The following PLCXD3 variants were observed in gnomAD, a reference collection of about 807,000 sequenced individuals.
The protein encoded by PLCXD3 is phosphatidylinositol specific phospholipase C X domain containing 3, also known as PI-PLC X domain-containing protein 3.
A neutral mutation model predicts 25.5 loss-of-function variants in PLCXD3; 19 were observed. The observed-to-expected ratio is 0.75, with a 90% CI of 0.52 to 1.09. The LOEUF is 1.09. Ranked by LOEUF, PLCXD3 falls within the 50% of genes least tolerant of loss-of-function variation. The pLI, the probability that PLCXD3 is intolerant of heterozygous loss-of-function variation, is 0.00. For missense variants in PLCXD3, 411 were observed against 388.1 expected, an observed-to-expected ratio of 1.06 and a Z score of -0.50; for synonymous variants, 174 against 137.6, an observed-to-expected ratio of 1.26 and a Z score of -1.85.
intron 1 of PLCXD3, among the ~76,000 whole-genome samples, chr5:41,463,635 T>C (rs1747943764): frequency 6.6e-6 from 1 of 152,048 alleles, no homozygotes. Flanking sequence ...TACAACTTCT[T>C]AGGGATCTTC....
intron 1 of PLCXD3, among the ~76,000 whole-genome samples, chr5:41,480,672 G>T (rs1748388262): frequency 6.6e-6 from 1 of 152,088 alleles, no homozygotes; most frequent in South Asian, 2.1e-4. Context: ...TGTAATCCTA[G>T]CACTTTGGGA....
At chr5:41,345,752 T>A (rs1382624865) in intron 2 of PLCXD3, among the ~76,000 whole-genome samples, 1 of 151,970 alleles carries the variant, frequency 6.6e-6, no homozygotes, top group African/African-American at 2.4e-5. Context: ...ACTTTACAGA[T>A]CCCAACTTTA....
At chr5:41,351,506 G>A (rs1744458136) in intron 2 of PLCXD3, among the ~76,000 whole-genome samples, 1 of 152,058 alleles carries the variant, frequency 6.6e-6, no homozygotes, top group Admixed American at 6.6e-5. Flanking sequence ...AGTTCAAATG[G>A]ATTATCTCAG....
intron 1 of PLCXD3, among the ~76,000 whole-genome samples, chr5:41,401,885 T>C (rs1381329524): frequency 6.6e-6 from 1 of 152,020 alleles, no homozygotes; most frequent in East Asian, 1.9e-4. Flanking sequence ...AGTTTATTGG[T>C]ACAAAGTTGT....
At chr5:41,368,801 CT>C (rs1429714535) in intron 2 of PLCXD3, among the ~76,000 whole-genome samples, 3 of 152,070 alleles carry the variant, frequency 2.0e-5, no homozygotes, top group African/African-American at 7.2e-5. Flanking sequence ...TAATCATGTG[CT>C]TTTTGTCTTT....
chr5:41,356,467 A>G (rs753264532), intron 2 of PLCXD3, among the ~76,000 whole-genome samples: 3 of 151,968 alleles, frequency 2.0e-5, no homozygotes, highest in Non-Finnish European at 4.4e-5. Context: ...GAGTGTAGGC[A>G]TCATAAATTG....
chr5:41,491,630 C>T (rs1387511266), intron 1 of PLCXD3, among the ~76,000 whole-genome samples: 1 of 152,018 alleles, frequency 6.6e-6, no homozygotes, highest in Admixed American at 6.6e-5. Flanking sequence ...GTGTTGGGTG[C>T]ATATATATTT....
Position 41,308,106 on chromosome 5 carries a change from AC to A in PLCXD3, c.*5510del, listed in dbSNP as rs1743045357. 5 of 152,164 alleles carry A rather than the reference AC, an allele frequency of 3.3e-5. No individual in the cohort carries two copies. Among genetic ancestry groups the A allele is most frequent in the African/African-American group, 1.2e-4 (5 of 41,460 alleles). The allele number at this position is 152,164 out of a possible 1,614,324, so 9.4% of individuals were successfully genotyped here. On this transcript the variant is annotated 3_prime_UTR_variant, in exon 3 of 3. Coordinates refer to ENST00000377801, the MANE Select transcript of PLCXD3 (RefSeq NM_001005473.3). ...TGACCAATGTTTTCTTTCTTGAAGGACATTATGACTGCAGATATTCATAAGG... is the reference window on the plus strand; with the variant it reads ...TGACCAATGTTTTCTTTCTTGAAGGAATTATGACTGCAGATATTCATAAGG...
At chr5:41,397,060 A>G (rs1746029143) in intron 1 of PLCXD3, among the ~76,000 whole-genome samples, 1 of 152,246 alleles carries the variant, frequency 6.6e-6, no homozygotes, top group Non-Finnish European at 1.5e-5. Context: ...TGCAGTAGAA[A>G]AGGAAAACCC....
chr5:41,359,809 G>A (rs1326362471), intron 2 of PLCXD3, among the ~76,000 whole-genome samples: 1 of 152,046 alleles, frequency 6.6e-6, no homozygotes, highest in Non-Finnish European at 1.5e-5. Context: ...ATGACTATGT[G>A]CCTAGGTGAT....
At chr5:41,465,163 TG>T (rs1430445592) in intron 1 of PLCXD3, among the ~76,000 whole-genome samples, 1 of 151,928 alleles carries the variant, frequency 6.6e-6, no homozygotes, top group Non-Finnish European at 1.5e-5. Flanking sequence ...GCTAAACGTA[TG>T]ACATGTTTTT....
chr5:41,481,842 T>C lies in PLCXD3; in HGVS notation c.103+28582A>G, dbSNP rs76469682. ...ACCTCCTGGCATGGACAGCAGGGCT[T>C]AGGCCCTGTGAAACGTGAATTAGGT... is the stretch of plus-strand genomic sequence containing the variant. On this transcript the variant is annotated intron_variant, in intron 1 of 2. Transcript: ENST00000377801. Among the ~76,000 whole-genome samples, 967 of 152,312 alleles carry C rather than the reference T, an allele frequency of 6.3e-3. 14 individuals are homozygous for C. Among genetic ancestry groups the C allele is most frequent in the African/African-American group, 0.022 (924 of 41,574 alleles).
At chr5:41,449,918 A>G (rs1408044485) in intron 1 of PLCXD3, among the ~76,000 whole-genome samples, 1 of 152,062 alleles carries the variant, frequency 6.6e-6, no homozygotes, top group Non-Finnish European at 1.5e-5. Flanking sequence ...GACACCACCT[A>G]TTACCTCCCC....
In PLCXD3 at chr5:41,309,532, G is replaced by C. The variant is rs1410003774; in HGVS notation, c.*4085C>G. On this transcript the variant is annotated 3_prime_UTR_variant, in exon 3 of 3. Transcript: ENST00000377801. ...ACTCCTGTTTGGTTGAGTGACCAAA[G>C]ATTAAAAGATTGTGTCGTTGGATCT... 6.6e-6 allele frequency: 1 copy of C among 152,310 alleles called. No homozygotes were observed. 9.4% of individuals were successfully genotyped at this position (152,310 alleles called of 1,614,324 possible). A position where few individuals can be genotyped will look rare whatever the true frequency, so the allele number is the denominator to read the frequency against.
At chr5:41,474,664 G>A (rs1445008801) in intron 1 of PLCXD3, among the ~76,000 whole-genome samples, 1 of 152,100 alleles carries the variant, frequency 6.6e-6, no homozygotes, top group Non-Finnish European at 1.5e-5. Flanking sequence ...CAATTTACAA[G>A]GAATAAGCAA....
intron 1 of PLCXD3, among the ~76,000 whole-genome samples, chr5:41,399,629 A>C (rs1707155441): frequency 6.6e-6 from 1 of 152,128 alleles, no homozygotes; most frequent in Admixed American, 6.6e-5. Context: ...TTCTGGGAAA[A>C]CTGGCTATCC....
intron 1 of PLCXD3, among the ~76,000 whole-genome samples, chr5:41,386,994 C>A (rs1307398826): frequency 6.6e-6 from 1 of 151,970 alleles, no homozygotes; most frequent in Non-Finnish European, 1.5e-5. Flanking sequence ...AGTATATGAG[C>A]CTTTATTTCT....
chr5:41,457,428 G>A (rs148120643), intron 1 of PLCXD3, among the ~76,000 whole-genome samples: 2 of 151,898 alleles, frequency 1.3e-5, no homozygotes, highest in Non-Finnish European at 2.9e-5. Context: ...GTCACTGAAA[G>A]AAACAGACTC....
intron 2 of PLCXD3, among the ~76,000 whole-genome samples, chr5:41,327,731 A>T (rs77701832): frequency 0.027 from 4,118 of 152,286 alleles, 125 homozygotes; most frequent in Admixed American, 0.092. Context: ...TTAGTATAGA[A>T]GGATGTGATT....
Sources: allele counts gnomAD v4.1 joint callset (sites outside exome capture counted in the v4.1 genomes callset), GRCh38; gene constraint gnomAD v4.1.1; transcripts MANE v1.5; gene names NCBI Gene and HGNC (gene_info 2026-07-23, HGNC 2026-07-21).